The following WNT9A variants were observed in gnomAD, a reference collection of about 807,000 sequenced individuals.
WNT9A encodes the protein protein Wnt-9a.
Under a neutral mutation model 31.4 loss-of-function variants are expected in WNT9A, and 8 were observed. The ratio of observed to expected loss-of-function variants is 0.26; its 90% CI spans 0.15 to 0.46. The LOEUF is 0.46. WNT9A is among the 20% of genes least tolerant of loss of function. WNT9A has a pLI of 0.99. For missense variants in WNT9A, 457 were observed against 522.9 expected (o/e 0.87, Z 1.23); for synonymous variants, 236 against 220.1 (o/e 1.07, Z -0.64).
At chr1:227,937,003 C>T (rs148957190) in intron 1 of WNT9A, among the ~76,000 whole-genome samples, 1 of 152,330 alleles carries the variant, frequency 6.6e-6, no homozygotes, top group Non-Finnish European at 1.5e-5. Flanking sequence ...GTGTCCTGCC[C>T]TCTGTCTGAC....
rs1004876802 is a variant in WNT9A at position 227,918,895 on chromosome 1, G to T, written c.*2623C>A. ...GGCAGGGCCTGGTGCAGAGAAGGTG[G>T]CTGGGATCCCCTGGCCAAGGAGCGG... On this transcript the variant is annotated 3_prime_UTR_variant, in exon 4 of 4. Transcript: ENST00000272164. 7.9e-5 allele frequency: 12 copies of T among 151,924 alleles called. No homozygotes were observed. Among genetic ancestry groups the T allele is most frequent in the African/African-American group, 2.9e-4 (12 of 41,444 alleles). 9.4% of individuals were successfully genotyped at this position (151,924 alleles called of 1,614,324 possible). A position where few individuals can be genotyped will look rare whatever the true frequency, so the allele number is the denominator to read the frequency against.
intron 1 of WNT9A, among the ~76,000 whole-genome samples, chr1:227,938,048 C>T (rs1442250002): frequency 2.6e-5 from 4 of 152,174 alleles, no homozygotes; most frequent in South Asian, 2.1e-4. Flanking sequence ...GTATTCTCTC[C>T]TTAGCGGGTC....
Position 227,926,854 on chromosome 1 carries a change from A to G in WNT9A, c.96-1335T>C, listed in dbSNP as rs1311313905. On this transcript the variant is annotated intron_variant, in intron 1 of 3. Coordinates refer to ENST00000272164, the MANE Select transcript of WNT9A (RefSeq NM_003395.4). This position sits in a 1 kb window ranked among gnomAD's most constrained non-coding sequence, Gnocchi z 5.0. ...GAGGGAGTAGCTCCTGCCCAACGGTATGGAGGGGAGGGGCCCAAGAGGCTC... is the reference window on the plus strand; with the variant it reads ...GAGGGAGTAGCTCCTGCCCAACGGTGTGGAGGGGAGGGGCCCAAGAGGCTC... Among the ~76,000 whole-genome samples, 1 of 152,026 alleles carries G rather than the reference A, an allele frequency of 6.6e-6. No individual in the cohort carries two copies. Among genetic ancestry groups the G allele is most frequent in the African/African-American group, 2.4e-5 (1 of 41,422 alleles).
At chr1:227,931,877 T>A (rs572389096) in intron 1 of WNT9A, among the ~76,000 whole-genome samples, 1 of 125,332 alleles carries the variant, frequency 8.0e-6, no homozygotes, top group South Asian at 2.5e-4. Context: ...GCTGTGGAAA[T>A]GTCTTTTTTT....
chr1:227,945,858 C>T (rs1187286386), intron 1 of WNT9A, among the ~76,000 whole-genome samples: 3 of 152,114 alleles, frequency 2.0e-5, no homozygotes, highest in African/African-American at 7.2e-5. Context: ...GGCCCAAGGC[C>T]TCCAGCAGCC....
intron 1 of WNT9A, among the ~76,000 whole-genome samples, chr1:227,943,023 C>T (rs1666732676): frequency 6.6e-6 from 1 of 152,208 alleles, no homozygotes; most frequent in African/African-American, 2.4e-5. Context: ...GTGCCCCAGG[C>T]CTGATGCACA....
chr1:227,930,965 C>T (rs906513759), intron 1 of WNT9A, among the ~76,000 whole-genome samples: 1 of 151,150 alleles, frequency 6.6e-6, no homozygotes, highest in Non-Finnish European at 1.5e-5. Flanking sequence ...CGCTACTGCA[C>T]TCTAGCCTGG....
Position 227,926,444 on chromosome 1 carries a change from G to A in WNT9A, c.96-925C>T, listed in dbSNP as rs1015238918. On this transcript the variant is annotated intron_variant, in intron 1 of 3. Transcript: ENST00000272164. This position sits in a 1 kb window ranked among gnomAD's most constrained non-coding sequence, Gnocchi z 5.0. ...TCACACCCCGCCCTGGCCCAGCCCA[G>A]CCCATATCGAGTCAAGAGCCCTCAA... Among the ~76,000 whole-genome samples, 1 of 151,912 alleles carries A rather than the reference G, an allele frequency of 6.6e-6. No individual in the cohort carries two copies. The highest frequency in any genetic ancestry group is 2.4e-5 in the African/African-American group (1 of 41,352).
rs138924261 is a variant in WNT9A at position 227,944,704 on chromosome 1, C to T, written c.95+3089G>A. The stretch of plus-strand genomic sequence containing the variant: ...TCCCTCAGTGCCAGCCTTGGTTATG[C>T]CTCTTCCAGGCAGGCCTCCAGGCTA... On this transcript the variant is annotated intron_variant, in intron 1 of 3. Coordinates refer to ENST00000272164, the MANE Select transcript of WNT9A (RefSeq NM_003395.4). Among the ~76,000 whole-genome samples the T allele has an allele frequency of 7.9e-3, 1,210 of 152,334 alleles. 16 individuals are homozygous for T. The highest frequency in any genetic ancestry group is 0.027 in the African/African-American group (1,136 of 41,580).
Position 227,921,795 on chromosome 1 carries a change from G to A in WNT9A, c.821C>T (p.Ala274Val), listed in dbSNP as rs375136854. ...AGAISPPRGR[A>V]SGAGGSDPLP... ...CGGGTCGCTGCCACCTGCCCCCGAG[G>A]CACGGCCCCGTGGTGGGGAGATGGC... Residue 274 changes from alanine (A) to valine (V), a missense_variant, in exon 4 of 4, where the codon GCC (alanine) becomes GTC (valine). Physicochemically the swap from Ala to Val is moderately conservative, Grantham distance 64. Coordinates refer to ENST00000272164, the MANE Select transcript of WNT9A (RefSeq NM_003395.4). The A allele has an allele frequency of 6.2e-7, 1 of 1,612,522 alleles. No homozygotes were observed. The highest frequency in any genetic ancestry group is 8.5e-7 in the Non-Finnish European group (1 of 1,179,694).
In WNT9A at chr1:227,920,413, C is replaced by T. The variant is rs1367447500; in HGVS notation, c.*1105G>A. On this transcript the variant is annotated 3_prime_UTR_variant, in exon 4 of 4. Transcript: ENST00000272164. Reference sequence around the variant, plus strand: ...TTGGCCGAGAGCGGGGAGCTGCAGCCGGGGAGGTGGCAGGGATGGAGAAAA... The same window carrying T: ...TTGGCCGAGAGCGGGGAGCTGCAGCTGGGGAGGTGGCAGGGATGGAGAAAA... The T allele has an allele frequency of 2.0e-5, 3 of 151,758 alleles. No homozygotes were observed. The highest frequency in any genetic ancestry group is 7.2e-5 in the African/African-American group (3 of 41,392). The allele number at this position is 151,758 out of a possible 1,614,324, so 9.4% of individuals were successfully genotyped here. A position where few individuals can be genotyped will look rare whatever the true frequency, so the allele number is the denominator to read the frequency against.
Position 227,922,013 on chromosome 1 carries a change from T to C in WNT9A, c.616-13A>G. On this transcript the variant is annotated splice_polypyrimidine_tract_variant and intron_variant, in intron 3 of 3. Coordinates refer to ENST00000272164, the MANE Select transcript of WNT9A (RefSeq NM_003395.4). The stretch of plus-strand genomic sequence containing the variant: ...CAGCCTTGATCACCTGGCAGAAGGG[T>C]GCGGGAGGGAGGGCAGTGTGAGGGC... The C allele has an allele frequency of 6.3e-7, 1 of 1,592,816 alleles. No homozygotes were observed. Among genetic ancestry groups the C allele is most frequent in the Non-Finnish European group, 8.6e-7 (1 of 1,168,134 alleles).
chr1:227,947,922 C>T lies in WNT9A; in HGVS notation c.-35G>A, dbSNP rs1572139420. 1.9e-6 allele frequency: 2 copies of T among 1,029,212 alleles called. No homozygotes were observed. The highest frequency in any genetic ancestry group is 1.7e-5 in the African/African-American group (1 of 57,798). 63.8% of individuals were successfully genotyped at this position (1,029,212 alleles called of 1,614,324 possible). ...CCTCGGCGGCCGACCATCGCGCTCC[C>T]AGCTCCGCGCAGGGCGCGCCGCGGC... On this transcript the variant is annotated 5_prime_UTR_variant, in exon 1 of 4. Coordinates refer to ENST00000272164, the MANE Select transcript of WNT9A (RefSeq NM_003395.4).
Position 227,924,249 on chromosome 1 carries a change from G to A in WNT9A, c.504C>T (p.Cys168=), listed in dbSNP as rs774194089. The A allele has an allele frequency of 1.2e-5, 20 of 1,613,642 alleles. No homozygotes were observed. The highest frequency in any genetic ancestry group is 6.7e-5 in the African/African-American group (5 of 74,880). The part of the protein sequence containing the change: ...ENREAWQWGG[C]GDNLKYSSKF... ...TGCTGCTGTACTTAAGGTTGTCTCC[G>A]CAGCCCCCCCACTGCCAGGCCTCAC... Residue 168 remains cysteine (C), a synonymous_variant, in exon 3 of 4, where the codon TGC becomes TGT. Coordinates refer to ENST00000272164, the MANE Select transcript of WNT9A (RefSeq NM_003395.4).
chr1:227,931,909 G>C (rs1161303086), intron 1 of WNT9A, among the ~76,000 whole-genome samples: 2 of 150,182 alleles, frequency 1.3e-5, no homozygotes, highest in African/African-American at 4.9e-5. Context: ...CTTTAGTAGA[G>C]ACAGGGTTTC....
chr1:227,938,489 C>G (rs905781757), intron 1 of WNT9A, among the ~76,000 whole-genome samples: 2 of 151,502 alleles, frequency 1.3e-5, no homozygotes, highest in African/African-American at 4.9e-5. Context: ...ACGAACACAC[C>G]CACACACACA....
rs594916 is a variant in WNT9A, at chr1:227,945,843, C to G, written c.95+1950G>C. On this transcript the variant is annotated intron_variant, in intron 1 of 3. Transcript: ENST00000272164. ...CAGCCCAACCTTGGGAACTGACTTA[C>G]AGGGGGCCCAAGGCCTCCAGCAGCC... is the stretch of plus-strand genomic sequence containing the variant. Among the ~76,000 whole-genome samples, 158 of 151,984 alleles carry G rather than the reference C, an allele frequency of 1.0e-3. 3 individuals are homozygous for G. In the South Asian group the frequency reaches 0.032, roughly 31 times the overall value.
In WNT9A at chr1:227,927,267, C is replaced by T. The variant is rs961546461; in HGVS notation, c.96-1748G>A. ...AGGATTCAGGACACACACCCATGTG[C>T]CAGGCTGCCAGGGAGTGGGTAGAGG... On this transcript the variant is annotated intron_variant, in intron 1 of 3. Transcript: ENST00000272164. Among the ~76,000 whole-genome samples, 14 of 152,118 alleles carry T rather than the reference C, an allele frequency of 9.2e-5. 1 individual carries two copies. The highest frequency in any genetic ancestry group is 1.8e-4 in the Non-Finnish European group (12 of 68,014).
rs543203786 is a variant in WNT9A, at chr1:227,928,685, C to T, written c.96-3166G>A. ...GATGGGCGATCTCAGAGCCTGGGCC[C>T]AGCAGAGGGGGCCCAGACCCTCCTG... On this transcript the variant is annotated intron_variant, in intron 1 of 3. Coordinates refer to ENST00000272164, the MANE Select transcript of WNT9A (RefSeq NM_003395.4). The surrounding 1 kb of genome is among the most constrained non-coding windows in gnomAD (Gnocchi z 4.5). 3.9e-5 allele frequency among the ~76,000 whole-genome samples: 6 copies of T among 152,246 alleles called. No individual in the cohort carries two copies. Among genetic ancestry groups the T allele is most frequent in the African/African-American group, 1.4e-4 (6 of 41,534 alleles).
Sources: allele counts gnomAD v4.1 joint callset (sites outside exome capture counted in the v4.1 genomes callset), GRCh38; gene constraint gnomAD v4.1.1; non-coding constraint Gnocchi (gnomAD v3.1); transcripts MANE v1.5; gene names NCBI Gene and HGNC (gene_info 2026-07-23, HGNC 2026-07-21).